The following OR5V1 variants were observed in gnomAD, a reference collection of about 807,000 sequenced individuals.
The protein encoded by OR5V1 is olfactory receptor family 5 subfamily V member 1, also known as olfactory receptor 5V1.
For synonymous variants in OR5V1, 134 were observed against 143.2 expected, an observed-to-expected ratio of 0.94 and a Z score of 0.46; for missense variants, 365 against 371.5, an observed-to-expected ratio of 0.98 and a Z score of 0.14.
At chr6:29,365,518 G>T (rs1438136687) in intron 1 of OR5V1, among the ~76,000 whole-genome samples, 2 of 152,052 alleles carry the variant, frequency 1.3e-5, no homozygotes, top group African/African-American at 4.8e-5. Context: ...CTTCTCAAAA[G>T]AAGACATTTA....
intron 1 of OR5V1, among the ~76,000 whole-genome samples, chr6:29,361,076 G>A (rs1339101266): frequency 6.6e-6 from 1 of 152,062 alleles, no homozygotes; most frequent in Non-Finnish European, 1.5e-5. Context: ...GAAGTTTAGA[G>A]AAAAACATAA....
rs150721968 is a variant in OR5V1, at chr6:29,355,520, A to G, written c.676T>C (p.Leu226=). The G allele has an allele frequency of 1.2e-6, 2 of 1,613,852 alleles. No individual in the cohort carries two copies. The highest frequency in any genetic ancestry group is 1.7e-6 in the Non-Finnish European group (2 of 1,179,860). Residue 226 remains leucine (L), a synonymous_variant, in exon 2 of 2, where the codon TTG becomes CTG. Transcript: ENST00000641768. ...LSYICIISTI[L]RIQSSEGRRK... ...CTTCCCTCTGAGGACTGGATCCTCA[A>G]GATGGTGGAGATTATGCAAATGTAG...
chr6:29,367,365 G>A (rs1383313004), intron 1 of OR5V1, among the ~76,000 whole-genome samples: 5 of 152,080 alleles, frequency 3.3e-5, no homozygotes, highest in Non-Finnish European at 7.4e-5. Flanking sequence ...ATATCTTATG[G>A]TGCATATTCT....
intron 1 of OR5V1, among the ~76,000 whole-genome samples, chr6:29,357,492 A>G (rs1158784462): frequency 6.6e-6 from 1 of 152,200 alleles, no homozygotes; most frequent in African/African-American, 2.4e-5. Flanking sequence ...TGTTTTGAAT[A>G]TAACCTACGT....
intron 1 of OR5V1, among the ~76,000 whole-genome samples, chr6:29,362,753 G>T (rs576817369): frequency 1.3e-4 from 20 of 152,204 alleles, no homozygotes; most frequent in African/African-American, 2.6e-4. Context: ...AAACCAGTGA[G>T]AACAAAGAGA....
intron 1 of OR5V1, among the ~76,000 whole-genome samples, chr6:29,366,009 A>G (rs1022780285): frequency 7.9e-5 from 12 of 152,198 alleles, no homozygotes; most frequent in South Asian, 2.1e-4. Flanking sequence ...TTGTAGGGAC[A>G]TGGATGAAGC....
At chr6:29,360,362 C>T (rs1433650369) in intron 1 of OR5V1, among the ~76,000 whole-genome samples, 1 of 152,188 alleles carries the variant, frequency 6.6e-6, no homozygotes, top group East Asian at 1.9e-4. Flanking sequence ...GCATTCCTGC[C>T]TGCCGGCTCT....
intron 1 of OR5V1, among the ~76,000 whole-genome samples, chr6:29,366,523 A>G (rs933982570): frequency 3.4e-4 from 51 of 152,128 alleles, no homozygotes; most frequent in African/African-American, 1.2e-3. Flanking sequence ...AACTACTCCT[A>G]TGGATGGGAG....
chr6:29,367,413 C>G (rs935660339), intron 1 of OR5V1, among the ~76,000 whole-genome samples: 3 of 152,118 alleles, frequency 2.0e-5, no homozygotes, highest in South Asian at 2.1e-4. Context: ...TAATACGTAA[C>G]TGGGGACACA....
Position 29,355,536 on chromosome 6 carries a change from G to A in OR5V1, c.660C>T (p.Cys220=), listed in dbSNP as rs551980706. 1.2e-6 allele frequency: 2 copies of A among 1,614,018 alleles called. No homozygotes were observed. The highest frequency in any genetic ancestry group is 1.7e-6 in the Non-Finnish European group (2 of 1,179,910). The part of the protein sequence containing the change: ...PFLCIVLSYI[C]IISTILRIQS... ...GGATCCTCAAGATGGTGGAGATTAT[G>A]CAAATGTAGGAAAGTACGATACAAA... The change falls in exon 2 of 2, where the codon TGC becomes TGT. Residue 220 remains cysteine, a synonymous_variant. Transcript: ENST00000641768.
At chr6:29,366,835 C>G (rs534684142) in intron 1 of OR5V1, among the ~76,000 whole-genome samples, 1 of 152,238 alleles carries the variant, frequency 6.6e-6, no homozygotes, top group African/African-American at 2.4e-5. Flanking sequence ...CTCAAAATAG[C>G]GAAGGAGGAC....
intron 1 of OR5V1, among the ~76,000 whole-genome samples, chr6:29,366,477 G>A (rs1778862029): frequency 1.3e-5 from 2 of 152,048 alleles, no homozygotes; most frequent in African/African-American, 2.4e-5. Context: ...CTAGAGATAC[G>A]AATTTGTAAC....
chr6:29,354,884 A>G lies in OR5V1; in HGVS notation c.*346T>C. 5.2e-6 allele frequency: 1 copy of G among 191,934 alleles called. No individual in the cohort carries two copies. Among genetic ancestry groups the G allele is most frequent in the Non-Finnish European group, 1.1e-5 (1 of 95,200 alleles). The allele number at this position is 191,934 out of a possible 1,614,324, so 11.9% of individuals were successfully genotyped here. A position where few individuals can be genotyped will look rare whatever the true frequency, so the allele number is the denominator to read the frequency against. On this transcript the variant is annotated 3_prime_UTR_variant, in exon 2 of 2. Transcript: ENST00000641768. ...ATATGACACACATATGAGGAATGTG[A>G]AGAAAAATATTTCACATTATTTAAT...
rs571243743 is a variant in OR5V1 at position 29,367,085 on chromosome 6, A to G, written c.-83+1547T>C. Among the ~76,000 whole-genome samples, 298 of 152,252 alleles carry G rather than the reference A, an allele frequency of 2.0e-3. 1 individual carries two copies. Among genetic ancestry groups the G allele is most frequent in the African/African-American group, 6.4e-3 (264 of 41,552 alleles). ...AATAATGTATTACTCCTCTAAGGTT[A>G]TTTGCCTTAAAATAAGAATTTTCTT... On this transcript the variant is annotated intron_variant, in intron 1 of 1. Transcript: ENST00000641768.
chr6:29,361,263 C>T (rs949170959), intron 1 of OR5V1, among the ~76,000 whole-genome samples: 1 of 151,920 alleles, frequency 6.6e-6, no homozygotes, highest in African/African-American at 2.4e-5. Flanking sequence ...AAAAAGTCTC[C>T]AAGAAATATG....
Position 29,355,228 on chromosome 6 carries a change from G to C in OR5V1, c.*2C>G, listed in dbSNP as rs1285120242. ...AGTATAAGATTATTGAACCTGTGAG[G>C]TTCAATAAGTGAGTTTACTATCCAA... On this transcript the variant is annotated 3_prime_UTR_variant, in exon 2 of 2. Coordinates refer to ENST00000641768, the MANE Select transcript of OR5V1 (RefSeq NM_030876.6). 1 of 1,572,104 alleles carries C rather than the reference G, an allele frequency of 6.4e-7. No homozygotes were observed. The highest frequency in any genetic ancestry group is 8.6e-7 in the Non-Finnish European group (1 of 1,164,952).
chr6:29,356,298 C>T lies in OR5V1; in HGVS notation c.-82-21G>A, dbSNP rs149919114. 130 of 1,351,618 alleles carry T rather than the reference C, an allele frequency of 9.6e-5. 4 individuals are homozygous for T. In the African/African-American group the frequency reaches 1.3e-3, roughly 13 times the overall value. 83.7% of individuals were successfully genotyped at this position (1,351,618 alleles called of 1,614,324 possible). On this transcript the variant is annotated intron_variant, in intron 1 of 1. Coordinates refer to ENST00000641768, the MANE Select transcript of OR5V1 (RefSeq NM_030876.6). ...ATGACCTGAAAAATAAGGGAAAAAACGGTTACAAATAAAAGTAATCACCAT... is the reference window on the plus strand; with the variant it reads ...ATGACCTGAAAAATAAGGGAAAAAATGGTTACAAATAAAAGTAATCACCAT...
chr6:29,356,002 T>A lies in OR5V1; in HGVS notation c.194A>T (p.Asn65Ile), dbSNP rs370199195. 10 of 1,613,902 alleles carry A rather than the reference T, an allele frequency of 6.2e-6. No individual in the cohort carries two copies. The highest frequency in any genetic ancestry group is 8.5e-6 in the Non-Finnish European group (10 of 1,179,956). Residue 65 changes from asparagine (N) to isoleucine (I), a missense_variant, in exon 2 of 2, where the codon AAC (asparagine) becomes ATC (isoleucine). Physicochemically the swap from Asn to Ile is moderately radical, Grantham distance 149. Transcript: ENST00000641768. ...LHTPMYYFLG[N>I]LAFIDICYTT... ...GTAGCAGATGTCAATAAAGGCCAAG[T>A]TCCCTAGAAAATAATACATAGGTGT... is the stretch of plus-strand genomic sequence containing the variant.
chr6:29,360,752 A>G (rs1778529666), intron 1 of OR5V1, among the ~76,000 whole-genome samples: 1 of 152,234 alleles, frequency 6.6e-6, no homozygotes, highest in Non-Finnish European at 1.5e-5. Context: ...AAGGACCCCC[A>G]CACAAAATCC....
Sources: allele counts gnomAD v4.1 joint callset (sites outside exome capture counted in the v4.1 genomes callset), GRCh38; gene constraint gnomAD v4.1.1; transcripts MANE v1.5; gene names NCBI Gene and HGNC (gene_info 2026-07-23, HGNC 2026-07-21).